Variants in COA1 observed in about 807,000 individuals in gnomAD.
COA1 encodes the protein cytochrome c oxidase assembly factor 1 homolog.
In COA1, 13 loss-of-function variants were observed where a neutral mutation model predicts 16.0. The ratio of observed to expected loss-of-function variants is 0.81; its 90% CI spans 0.53 to 1.29. COA1 has a LOEUF of 1.29. Among genes scored for constraint, COA1 ranks in the 50% most tolerant of loss-of-function variants. COA1 has a pLI of 0.00. For synonymous variants in COA1, 65 were observed against 65.7 expected, an observed-to-expected ratio of 0.99 and a Z score of 0.05; for missense variants, 179 against 177.0, an observed-to-expected ratio of 1.01 and a Z score of -0.06.
intron 1 of COA1, among the ~76,000 whole-genome samples, chr7:43,694,075 C>T (rs1417842586): frequency 6.7e-6 from 1 of 150,274 alleles, no homozygotes; most frequent in East Asian, 1.9e-4. Context: ...GTACTCTTTC[C>T]CTTTGCCTCT....
intron 1 of COA1, among the ~76,000 whole-genome samples, chr7:43,691,342 AGGGAGGGAGGGAGG>A (rs2094316643): frequency 2.2e-4 from 3 of 13,626 alleles, no homozygotes; most frequent in African/African-American, 9.3e-4. Flanking sequence ...AAAGAGAGAG[AGGGAGGGAGGGAGG>A]GAGGGAGGGA....
exon 7 of COA1, chr7:43,608,778 T>C (rs2082648242): frequency 6.3e-6 from 1 of 159,566 alleles, no homozygotes; most frequent in Admixed American, 6.4e-5. Context: ...TTCACTGGAA[T>C]TGAGAAATCA....
intron 6 of COA1, among the ~76,000 whole-genome samples, chr7:43,630,672 A>G (rs765195045): frequency 6.6e-5 from 10 of 152,224 alleles, no homozygotes; most frequent in Non-Finnish European, 1.3e-4. Flanking sequence ...TTGATTTCGC[A>G]ATAGTTACAG....
intron 1 of COA1, among the ~76,000 whole-genome samples, chr7:43,681,121 TTC>T (rs2093750668): frequency 6.6e-6 from 1 of 152,194 alleles, no homozygotes; most frequent in Non-Finnish European, 1.5e-5. Flanking sequence ...CCCTCATCAT[TTC>T]TGTCATTTTT....
At chr7:43,651,689 TAAAAAAA>T (rs539990413) in intron 1 of COA1, among the ~76,000 whole-genome samples, 18 of 107,172 alleles carry the variant, frequency 1.7e-4, no homozygotes, top group East Asian at 1.3e-3. Context: ...AGGAAGAGCT[TAAAAAAA>T]AAAAAAAAAA....
At chr7:43,694,212 A>G (rs2094460852) in intron 1 of COA1, among the ~76,000 whole-genome samples, 1 of 148,768 alleles carries the variant, frequency 6.7e-6, no homozygotes, top group Non-Finnish European at 1.5e-5. Flanking sequence ...CCCCCTCTCT[A>G]TATTAGTCAC....
intron 1 of COA1, among the ~76,000 whole-genome samples, chr7:43,667,455 C>G (rs1204700015): frequency 3.9e-5 from 6 of 152,106 alleles, no homozygotes; most frequent in Admixed American, 3.3e-4. Context: ...ATTCTAACGT[C>G]TAAGTATATG....
At chr7:43,671,269 AATAG>A (rs1008695481) in intron 1 of COA1, among the ~76,000 whole-genome samples, 1 of 152,306 alleles carries the variant, frequency 6.6e-6, no homozygotes, top group East Asian at 1.9e-4. Context: ...ACAAAAAACA[AATAG>A]ATAAATTGGA....
intron 1 of COA1, among the ~76,000 whole-genome samples, chr7:43,695,061 C>T (rs757448368): frequency 2.6e-5 from 4 of 152,158 alleles, no homozygotes; most frequent in Admixed American, 6.5e-5. Flanking sequence ...GACCACTTTT[C>T]GCCACCTTCA....
At chr7:43,688,402 T>C (rs1015534427) in intron 1 of COA1, among the ~76,000 whole-genome samples, 2 of 152,362 alleles carry the variant, frequency 1.3e-5, no homozygotes, top group East Asian at 3.9e-4. Context: ...TAGTATATAG[T>C]TGTTTTATAG....
downstream of COA1, among the ~76,000 whole-genome samples, chr7:43,636,624 G>A (rs1380660295): frequency 3.3e-5 from 5 of 152,278 alleles, no homozygotes; most frequent in East Asian, 9.7e-4. Context: ...TGGCTGTTTT[G>A]TGTATATGTA....
chr7:43,704,522 T>C (rs904480449), intron 1 of COA1, among the ~76,000 whole-genome samples: 3 of 152,218 alleles, frequency 2.0e-5, no homozygotes, highest in Non-Finnish European at 1.5e-5. Flanking sequence ...TTTTAACTCT[T>C]TTTTCATTTT....
chr7:43,710,643 A>G (rs962668489), intron 1 of COA1, among the ~76,000 whole-genome samples: 3 of 152,266 alleles, frequency 2.0e-5, no homozygotes, highest in Admixed American at 2.0e-4. Flanking sequence ...TGCTTGACAT[A>G]AACTATCTCA....
At chr7:43,689,944 C>T (rs952543493) in intron 1 of COA1, among the ~76,000 whole-genome samples, 2 of 152,044 alleles carry the variant, frequency 1.3e-5, no homozygotes, top group African/African-American at 4.8e-5. Flanking sequence ...ACTAAAAATA[C>T]TAATTCAAAA....
At chr7:43,666,233 G>A (rs571389056) in intron 1 of COA1, among the ~76,000 whole-genome samples, 1 of 152,272 alleles carries the variant, frequency 6.6e-6, no homozygotes, top group East Asian at 1.9e-4. Context: ...ATTGGCTTTG[G>A]GTTGCCTTGC....
At chr7:43,647,425 C>T (rs1335913116) in intron 3 of COA1, 110 bp downstream of exon 3, 2 of 810,232 alleles carry the variant, frequency 2.5e-6, no homozygotes, top group Non-Finnish European at 4.3e-6. Flanking sequence ...TAAAATCACC[C>T]TCTCCTCCTT....
chr7:43,653,448 G>A (rs1584470761), intron 1 of COA1, among the ~76,000 whole-genome samples: 2 of 152,270 alleles, frequency 1.3e-5, no homozygotes, highest in African/African-American at 2.4e-5. Flanking sequence ...AAAAGCATGT[G>A]AGTAAACATG....
chr7:43,660,881 C>T (rs1253238645), intron 1 of COA1, among the ~76,000 whole-genome samples: 1 of 152,102 alleles, frequency 6.6e-6, no homozygotes, highest in Non-Finnish European at 1.5e-5. Flanking sequence ...TCAATGGCTC[C>T]CCATCCTATT....
At chr7:43,712,269 T>C (rs1465904175) in intron 1 of COA1, among the ~76,000 whole-genome samples, 1 of 152,054 alleles carries the variant, frequency 6.6e-6, no homozygotes, top group Non-Finnish European at 1.5e-5. Flanking sequence ...CCCACCACCA[T>C]GCCCAGCTAA....
Sources: gnomAD v4.1 joint callset for allele counts (sites outside exome capture counted in the v4.1 genomes callset) on GRCh38, gnomAD v4.1.1 for gene constraint, MANE v1.5 for transcripts, NCBI Gene and HGNC (gene_info 2026-07-23, HGNC 2026-07-21) for gene names.